PDE4D: variants seen among roughly 807,000 people sequenced by gnomAD.
PDE4D encodes the protein phosphodiesterase 4D, also known as 3',5'-cyclic-AMP phosphodiesterase 4D.
PDE4D carries 24 observed loss-of-function variants against 87.4 expected under a neutral mutation model. The observed-to-expected ratio is 0.27, with a 90% CI of 0.20 to 0.39. The LOEUF is 0.39. PDE4D is among the 10% of genes least tolerant of loss of function. The probability of loss-of-function intolerance (pLI) is 1.00; values close to 1 mark genes in which losing one functional copy is unlikely to be tolerated. For missense variants in PDE4D, 714 were observed against 1,041.0 expected (o/e 0.69, Z 4.32); for synonymous variants, 384 against 383.2 (o/e 1.00, Z -0.02).
intron 3 of PDE4D, among the ~76,000 whole-genome samples, chr5:59,936,147 T>C (rs1756550341): frequency 6.6e-6 from 1 of 150,652 alleles, no homozygotes; most frequent in Non-Finnish European, 1.5e-5. Flanking sequence ...CACTCATAGG[T>C]GGGAATTGAA....
At chr5:60,293,215 C>T (rs375374592) in intron 1 of PDE4D, among the ~76,000 whole-genome samples, 2 of 151,978 alleles carry the variant, frequency 1.3e-5, no homozygotes, top group African/African-American at 4.8e-5. Context: ...ACACTGACTA[C>T]CAATTTACTT....
At chr5:59,567,150 A>C (rs1199620839) in intron 1 of PDE4D, among the ~76,000 whole-genome samples, 1 of 152,218 alleles carries the variant, frequency 6.6e-6, no homozygotes, top group Non-Finnish European at 1.5e-5. Flanking sequence ...TCATTACTGA[A>C]AATCTATTCT....
intron 1 of PDE4D, among the ~76,000 whole-genome samples, chr5:59,811,625 G>A (rs1462177040): frequency 2.6e-5 from 4 of 152,090 alleles, no homozygotes; most frequent in Non-Finnish European, 5.9e-5. Context: ...CTCTGCCTTC[G>A]AGAATGATCC....
chr5:58,978,957 G>A (rs1365747130), intron 11 of PDE4D, among the ~76,000 whole-genome samples: 2 of 152,118 alleles, frequency 1.3e-5, no homozygotes, highest in Non-Finnish European at 2.9e-5. Context: ...ATATTGAAAG[G>A]AAGGCATAAT....
chr5:59,053,487 G>A (rs1372070861), intron 5 of PDE4D, among the ~76,000 whole-genome samples: 1 of 151,338 alleles, frequency 6.6e-6, no homozygotes, highest in African/African-American at 2.4e-5. Context: ...AAAAATATGT[G>A]TAGCAAGTTT....
chr5:59,474,534 G>A (rs1802988591), intron 1 of PDE4D, among the ~76,000 whole-genome samples: 1 of 152,060 alleles, frequency 6.6e-6, no homozygotes, highest in Non-Finnish European at 1.5e-5. Flanking sequence ...GTCACTTCTA[G>A]GTGAAAGTTC....
chr5:59,702,000 C>T (rs1752645164), intron 1 of PDE4D, among the ~76,000 whole-genome samples: 1 of 152,120 alleles, frequency 6.6e-6, no homozygotes, highest in Non-Finnish European at 1.5e-5. Context: ...GCCAAGAAAG[C>T]ACTGGTCAAT....
chr5:59,030,153 A>G, intron 6 of PDE4D, among the ~76,000 whole-genome samples: 1 of 152,162 alleles, frequency 6.6e-6, no homozygotes, highest in East Asian at 1.9e-4. Flanking sequence ...GGACTCCAAA[A>G]GCACAGGCAA....
chr5:59,754,797 A>ATTTTTTTTTTTTTTTTTTTTTTTTTTT lies in PDE4D; in HGVS notation c.455+138344_455+138370dup, dbSNP rs754869518. 1.0e-4 allele frequency among the ~76,000 whole-genome samples: 10 copies of ATTTTTTTTTTTTTTTTTTTTTTTTTTT among 96,870 alleles called. 5 individuals carry two copies. The highest frequency in any genetic ancestry group is 1.7e-4 in the African/African-American group (4 of 24,100). The allele number at this position is 96,870 out of a possible 152,430, so 63.6% of individuals were successfully genotyped here. A position where few individuals can be genotyped will look rare whatever the true frequency, so the allele number is the denominator to read the frequency against. On this transcript the variant is annotated intron_variant, in intron 1 of 14. Coordinates refer to ENST00000340635, the MANE Select transcript of PDE4D (RefSeq NM_001104631.2). ...GCAGGTACAGAATTTTCCACAGAAC[A>ATTTTTTTTTTTTTTTTTTTTTTTTTTT]TTTTTTTTTTTTTTTTTTTTTTTTT... is the stretch of plus-strand genomic sequence containing the variant.
chr5:60,303,900 ATCT>A (rs1172778080), intron 1 of PDE4D: 1 of 152,300 alleles, frequency 6.6e-6, no homozygotes, highest in Non-Finnish European at 1.5e-5. Flanking sequence ...AGGTGTTAAA[ATCT>A]TCTACTATTA....
At chr5:59,022,054 T>TA (rs1755261448) in intron 6 of PDE4D, among the ~76,000 whole-genome samples, 1 of 152,138 alleles carries the variant, frequency 6.6e-6, no homozygotes, top group Non-Finnish European at 1.5e-5. Context: ...CTATTAGTGC[T>TA]AAAAAAGACT....
At chr5:60,121,538 T>C (rs1206060693) in intron 2 of PDE4D, among the ~76,000 whole-genome samples, 5 of 151,996 alleles carry the variant, frequency 3.3e-5, no homozygotes, top group Non-Finnish European at 7.4e-5. Flanking sequence ...GATACAAAAG[T>C]GGAAACCCCT....
At chr5:59,717,938 C>A (rs1180863565) in intron 1 of PDE4D, among the ~76,000 whole-genome samples, 3 of 152,222 alleles carry the variant, frequency 2.0e-5, no homozygotes, top group Admixed American at 2.0e-4. Context: ...GTCTCAACTT[C>A]AGTGTACATA....
At chr5:60,496,674 C>T (rs1749828447) in intron 1 of PDE4D, among the ~76,000 whole-genome samples, 1 of 152,254 alleles carries the variant, frequency 6.6e-6, no homozygotes, top group African/African-American at 2.4e-5. Context: ...TCACAACAAC[C>T]TCTAAGAGTT....
At chr5:60,463,558 C>T (rs1390242478) in intron 1 of PDE4D, among the ~76,000 whole-genome samples, 1 of 152,112 alleles carries the variant, frequency 6.6e-6, no homozygotes, top group Non-Finnish European at 1.5e-5. Context: ...AGGCTGGGAC[C>T]TTTCTACCCT....
At chr5:59,889,272 A>C (rs1750610734) in intron 1 of PDE4D, among the ~76,000 whole-genome samples, 1 of 150,192 alleles carries the variant, frequency 6.7e-6, no homozygotes, top group African/African-American at 2.5e-5. Flanking sequence ...TAAATATAAT[A>C]TGCGCAGAAT....
intron 1 of PDE4D, among the ~76,000 whole-genome samples, chr5:60,478,746 A>C (rs1397383822): frequency 6.6e-6 from 1 of 152,206 alleles, no homozygotes; most frequent in Non-Finnish European, 1.5e-5. Flanking sequence ...CACCAGAGGA[A>C]TACATATGCT....
At chr5:59,431,380 T>C (rs1796089009) in intron 1 of PDE4D, among the ~76,000 whole-genome samples, 1 of 152,140 alleles carries the variant, frequency 6.6e-6, no homozygotes. Context: ...TTCAGGGTAA[T>C]GAGAGTAGCA....
At chr5:60,378,946 G>A (rs987814167) in intron 1 of PDE4D, among the ~76,000 whole-genome samples, 1 of 152,098 alleles carries the variant, frequency 6.6e-6, no homozygotes, top group Non-Finnish European at 1.5e-5. Context: ...ATGCACAGTG[G>A]TTCCACTTGC....
Sources: gnomAD v4.1 joint callset for allele counts (sites outside exome capture counted in the v4.1 genomes callset) on GRCh38, gnomAD v4.1.1 for gene constraint, MANE v1.5 for transcripts, NCBI Gene and HGNC (gene_info 2026-07-23, HGNC 2026-07-21) for gene names.